Variants in WDR43 observed in about 807,000 individuals in gnomAD.
WDR43 encodes WD repeat-containing protein 43.
A neutral mutation model predicts 91.4 loss-of-function variants in WDR43; 13 were observed. That is an observed-to-expected ratio of 0.14 (90% CI 0.09 to 0.23). WDR43 has a LOEUF of 0.23. Ranked by LOEUF, WDR43 falls within the 10% of genes least tolerant of loss-of-function variation. The pLI, the probability that WDR43 is intolerant of heterozygous loss-of-function variation, is 1.00. For missense variants in WDR43, 780 were observed against 809.4 expected (o/e 0.96, Z 0.44); for synonymous variants, 331 against 287.9 (o/e 1.15, Z -1.51).
intron 14 of WDR43, among the ~76,000 whole-genome samples, chr2:28,939,174 A>G (rs1011930987): frequency 6.7e-6 from 1 of 149,742 alleles, no homozygotes; most frequent in African/African-American, 2.5e-5. Flanking sequence ...GAGTTTTGGG[A>G]GGTGACTTGG....
At chr2:28,915,579 A>G (rs1670890469) in intron 5 of WDR43, among the ~76,000 whole-genome samples, 1 of 152,230 alleles carries the variant, frequency 6.6e-6, no homozygotes, top group South Asian at 2.1e-4. Flanking sequence ...AGTAAACTTA[A>G]AATTAACCAC....
At chr2:28,897,428 T>C (rs1670504804) in intron 1 of WDR43, among the ~76,000 whole-genome samples, 1 of 152,196 alleles carries the variant, frequency 6.6e-6, no homozygotes, top group Non-Finnish European at 1.5e-5. Flanking sequence ...AAGGTCCTGC[T>C]ATATGATGAC....
intron 15 of WDR43, among the ~76,000 whole-genome samples, chr2:28,942,091 A>G (rs967625154): frequency 2.6e-5 from 4 of 152,204 alleles, no homozygotes; most frequent in Admixed American, 2.6e-4. Flanking sequence ...TTTGGCACAG[A>G]AAGATATTCT....
intron 6 of WDR43, among the ~76,000 whole-genome samples, chr2:28,918,399 G>T (rs533807228): frequency 2.0e-5 from 3 of 150,416 alleles, no homozygotes; most frequent in African/African-American, 7.4e-5. Flanking sequence ...ACGGAGTTTC[G>T]CTCTTGTTGC....
intron 5 of WDR43, among the ~76,000 whole-genome samples, chr2:28,916,246 T>C (rs1438566726): frequency 6.6e-6 from 1 of 152,210 alleles, no homozygotes; most frequent in Non-Finnish European, 1.5e-5. Context: ...TATGGACATG[T>C]GATTTCATTT....
intron 10 of WDR43, among the ~76,000 whole-genome samples, chr2:28,928,513 A>C (rs994729141): frequency 6.6e-6 from 1 of 152,128 alleles, no homozygotes; most frequent in Middle Eastern, 3.2e-3. Context: ...TAATTTCCCC[A>C]TGTCCTTTTT....
chr2:28,895,189 T>C, intron 1 of WDR43: 1 of 328,404 alleles, frequency 3.0e-6, no homozygotes, highest in Non-Finnish European at 5.5e-6. Context: ...GGCCCCACTG[T>C]TGACGGGCAG....
chr2:28,910,192 TG>T (rs1029950414), intron 3 of WDR43, among the ~76,000 whole-genome samples: 2 of 152,128 alleles, frequency 1.3e-5, no homozygotes, highest in African/African-American at 2.4e-5. Flanking sequence ...GATTAGGGTG[TG>T]GGGAGGATAG....
chr2:28,930,228 TG>T, intron 11 of WDR43: 1 of 390,364 alleles, frequency 2.6e-6, no homozygotes, highest in Non-Finnish European at 5.3e-6. Context: ...CTAGAAACTT[TG>T]TATAAAGGGA....
intron 12 of WDR43, among the ~76,000 whole-genome samples, chr2:28,936,695 T>C (rs1435314510): frequency 1.3e-5 from 2 of 152,222 alleles, no homozygotes; most frequent in Non-Finnish European, 1.5e-5. Flanking sequence ...CTATTTTCTG[T>C]CTGTGGATTT....
intron 6 of WDR43, 56 bp from the exon 7 acceptor site, chr2:28,922,863 A>G: frequency 7.6e-7 from 1 of 1,308,918 alleles, no homozygotes; most frequent in Non-Finnish European, 1.0e-6. Context: ...CATAAGGTAG[A>G]TTGGGGACTG....
At chr2:28,904,946 G>A (rs1486356561) in intron 2 of WDR43, 1 of 152,214 alleles carries the variant, frequency 6.6e-6, no homozygotes, top group Non-Finnish European at 1.5e-5. Context: ...TAAAGTAACT[G>A]TAGGAGAGAT....
intron 2 of WDR43, 26 bp from the exon 3 acceptor site, chr2:28,906,434 A>AT (rs36066576): frequency 0.03 from 41,428 of 1,364,386 alleles, 2 homozygotes; most frequent in Non-Finnish European, 0.033. Flanking sequence ...CCAGCCTTAA[A>AT]TTTTTTTTTT....
intron 10 of WDR43, among the ~76,000 whole-genome samples, chr2:28,929,331 C>CA (rs1671198849): frequency 6.6e-6 from 1 of 152,074 alleles, no homozygotes; most frequent in Non-Finnish European, 1.5e-5. Flanking sequence ...TATGAATGAA[C>CA]ATTTTCAAAC....
intron 1 of WDR43, 82 bp from the exon 2 acceptor site, chr2:28,901,905 T>C: frequency 7.5e-7 from 1 of 1,341,508 alleles, no homozygotes; most frequent in Non-Finnish European, 1.0e-6. Flanking sequence ...TTTTGTGGGC[T>C]GGTGGGCATT....
chr2:28,906,573 A>C lies in WDR43; in HGVS notation c.477A>C (p.Lys159Asn). The change falls in exon 3 of 18, where the codon AAA becomes AAC. Residue 159 changes from lysine (K) to asparagine (N), a missense_variant. Around this residue, in one of 4 missense-constraint regions of WDR43, gnomAD observed 174 missense variants for 207.3 expected, o/e 0.84. Coordinates refer to ENST00000407426, the MANE Select transcript of WDR43 (RefSeq NM_015131.3). ...TGGAATGGAACGTACAGACATGCAA[A>C]GTAAAGTGGTGAGTAACATTCATGG... Reference protein sequence around the residue: ...HIVEWNVQTCKVKCKWKGDNS... With the variant: ...HIVEWNVQTCNVKCKWKGDNS... 6.2e-7 allele frequency: 1 copy of C among 1,611,778 alleles called. No homozygotes were observed. The highest frequency in any genetic ancestry group is 8.5e-7 in the Non-Finnish European group (1 of 1,179,246).
chr2:28,915,534 GTC>G (rs1209456046), intron 5 of WDR43, among the ~76,000 whole-genome samples: 1 of 152,166 alleles, frequency 6.6e-6, no homozygotes, highest in Non-Finnish European at 1.5e-5. Flanking sequence ...CCTGAATAGT[GTC>G]TATTATATGT....
At chr2:28,913,190 G>A (rs1393953838) in intron 4 of WDR43, among the ~76,000 whole-genome samples, 4 of 152,172 alleles carry the variant, frequency 2.6e-5, no homozygotes, top group East Asian at 3.9e-4. Context: ...TCCTGGCCTC[G>A]TGATCTGCCT....
chr2:28,946,111 G>A (rs1406627687), intron 16 of WDR43, among the ~76,000 whole-genome samples: 4 of 152,040 alleles, frequency 2.6e-5, no homozygotes, highest in East Asian at 1.9e-4. Flanking sequence ...AGACGTGAGC[G>A]GATCCTTTGA....
Sources: allele counts gnomAD v4.1 joint callset (sites outside exome capture counted in the v4.1 genomes callset), GRCh38; gene constraint gnomAD v4.1.1; regional missense constraint gnomAD v4.1.1; transcripts MANE v1.5; gene names NCBI Gene and HGNC (gene_info 2026-07-23, HGNC 2026-07-21).